ZFHX3: variants seen among roughly 807,000 people sequenced by gnomAD.
ZFHX3 encodes the protein zinc finger homeobox 3, also known as zinc finger homeobox protein 3.
Under a neutral mutation model 279.1 loss-of-function variants are expected in ZFHX3, and 42 were observed. The ratio of observed to expected loss-of-function variants is 0.15; its 90% confidence interval spans 0.12 to 0.19. The LOEUF is 0.19. ZFHX3 is among the 10% of genes least tolerant of loss of function. The pLI is 1.00. For missense variants in ZFHX3, 4,981 were observed against 4,754.0 expected, an observed-to-expected ratio of 1.05 and a Z score of -1.40; for synonymous variants, 2,293 against 1,957.8, an observed-to-expected ratio of 1.17 and a Z score of -4.52.
chr16:73,800,856 C>T (rs777284088), intron 1 of ZFHX3, among the ~76,000 whole-genome samples: 6 of 152,182 alleles, frequency 3.9e-5, no homozygotes, highest in Non-Finnish European at 8.8e-5. Flanking sequence ...GAGCAGGCCA[C>T]GGGGAAGGGA....
chr16:73,461,902 A>C (rs2018477900), intron 2 of ZFHX3, among the ~76,000 whole-genome samples: 1 of 152,162 alleles, frequency 6.6e-6, no homozygotes, highest in Non-Finnish European at 1.5e-5. Flanking sequence ...CCTATATTAC[A>C]AAAACTTGCT....
chr16:73,534,429 C>T (rs113792918), intron 2 of ZFHX3, among the ~76,000 whole-genome samples: 2 of 152,156 alleles, frequency 1.3e-5, no homozygotes, highest in South Asian at 2.1e-4. Context: ...CTGTCTCTCT[C>T]GGCTTTATTC....
intron 4 of ZFHX3, among the ~76,000 whole-genome samples, chr16:73,267,185 G>C (rs920895387): frequency 2.0e-5 from 3 of 152,230 alleles, no homozygotes; most frequent in African/African-American, 7.2e-5. Flanking sequence ...GGCAGAAGGA[G>C]AAGGGGGTTC....
intron 2 of ZFHX3, among the ~76,000 whole-genome samples, chr16:73,545,593 T>C (rs2020094860): frequency 6.6e-6 from 1 of 152,118 alleles, no homozygotes; most frequent in South Asian, 2.1e-4. Flanking sequence ...CGGAGCCCAG[T>C]TTCCCCAGGT....
At chr16:73,564,199 A>G (rs1031842732) in intron 2 of ZFHX3, among the ~76,000 whole-genome samples, 1 of 152,086 alleles carries the variant, frequency 6.6e-6, no homozygotes, top group Admixed American at 6.5e-5. Flanking sequence ...GCCTCTCCCT[A>G]TCCTGAGTTT....
intron 2 of ZFHX3, among the ~76,000 whole-genome samples, chr16:73,463,624 G>T (rs974543125): frequency 6.6e-6 from 1 of 151,464 alleles, no homozygotes; most frequent in Admixed American, 6.6e-5. Context: ...CTTTTTCCCC[G>T]TCGAACCCCT....
chr16:73,142,809 T>A (rs1966850992), intron 6 of ZFHX3, among the ~76,000 whole-genome samples: 1 of 152,200 alleles, frequency 6.6e-6, no homozygotes, highest in African/African-American at 2.4e-5. Context: ...AGTCATAATA[T>A]CCTTATAGGT....
chr16:73,366,851 T>G (rs2016539835), intron 3 of ZFHX3, among the ~76,000 whole-genome samples: 1 of 152,208 alleles, frequency 6.6e-6, no homozygotes. Flanking sequence ...TTCAAATCAT[T>G]GTACCACAGA....
intron 1 of ZFHX3, among the ~76,000 whole-genome samples, chr16:73,025,937 G>A (rs965983843): frequency 1.3e-5 from 2 of 152,094 alleles, no homozygotes; most frequent in Admixed American, 6.6e-5. Context: ...TTCACCCAAT[G>A]TGACACAGGA....
At chr16:73,211,144 C>T (rs754935913) in intron 5 of ZFHX3, among the ~76,000 whole-genome samples, 1 of 152,110 alleles carries the variant, frequency 6.6e-6, no homozygotes, top group Admixed American at 6.6e-5. Flanking sequence ...CATTACTTAC[C>T]AGCCACAAAT....
At chr16:73,040,566 G>A (rs1965073818) in intron 1 of ZFHX3, among the ~76,000 whole-genome samples, 1 of 151,864 alleles carries the variant, frequency 6.6e-6, no homozygotes, top group African/African-American at 2.4e-5. Flanking sequence ...GAGGGCTGGG[G>A]TGGATGGGGG....
chr16:72,881,885 A>C (rs955682321), intron 4 of ZFHX3, among the ~76,000 whole-genome samples: 2 of 152,174 alleles, frequency 1.3e-5, no homozygotes, highest in Non-Finnish European at 2.9e-5. Flanking sequence ...TATTCACTTT[A>C]GGGTGGAGTT....
At chr16:73,813,391 A>C (rs1366154890) in intron 1 of ZFHX3, among the ~76,000 whole-genome samples, 4 of 151,888 alleles carry the variant, frequency 2.6e-5, no homozygotes, top group Non-Finnish European at 4.4e-5. Context: ...GGCCTCTCTC[A>C]ACTCTGGGCA....
intron 1 of ZFHX3, among the ~76,000 whole-genome samples, chr16:73,861,178 C>G (rs1268497958): frequency 1.3e-5 from 2 of 151,980 alleles, no homozygotes; most frequent in African/African-American, 4.8e-5. Flanking sequence ...GTTGCCCAGG[C>G]TGGTCTTGAA....
At chr16:73,427,072 A>T (rs1206871938) in intron 3 of ZFHX3, among the ~76,000 whole-genome samples, 3 of 152,092 alleles carry the variant, frequency 2.0e-5, no homozygotes, top group Non-Finnish European at 4.4e-5. Flanking sequence ...TGCTGACCTG[A>T]AAGAGTTAGG....
rs1967613388 is a variant in ZFHX3 at position 73,174,435 on chromosome 16, CG to C, written c.-1103-30605del. Reference sequence around the variant, plus strand: ...TTCCAATTTCAAGGAATCTATTCCGCGACTCTCTCTCTTCCCTGTCTTTAGT... The same window carrying C: ...TTCCAATTTCAAGGAATCTATTCCGCACTCTCTCTCTTCCCTGTCTTTAGT... On this transcript the variant is annotated intron_variant, in intron 5 of 17. Coordinates refer to the ZFHX3 transcript ENST00000641206. Among the ~76,000 whole-genome samples the C allele has an allele frequency of 2.0e-5, 3 of 152,298 alleles. No individual in the cohort carries two copies. In the South Asian group the frequency reaches 6.2e-4, roughly 32 times the overall value.
intron 3 of ZFHX3, among the ~76,000 whole-genome samples, chr16:72,914,345 C>A (rs760105356): frequency 6.6e-6 from 1 of 152,194 alleles, no homozygotes; most frequent in Non-Finnish European, 1.5e-5. Context: ...TCTCTACAAA[C>A]AGGTATGGAA....
At chr16:73,361,239 C>T (rs2016429677) in intron 3 of ZFHX3, among the ~76,000 whole-genome samples, 1 of 152,232 alleles carries the variant, frequency 6.6e-6, no homozygotes, top group African/African-American at 2.4e-5. Flanking sequence ...CCCATACCAA[C>T]TCTGACCTTG....
intron 2 of ZFHX3, among the ~76,000 whole-genome samples, chr16:73,664,317 A>G (rs1243326336): frequency 5.9e-5 from 9 of 152,206 alleles, no homozygotes; most frequent in Non-Finnish European, 1.2e-4. Flanking sequence ...AAGAACTACC[A>G]TAAATGGAGA....
Sources: gnomAD v4.1 joint callset for allele counts (sites outside exome capture counted in the v4.1 genomes callset) on GRCh38, gnomAD v4.1.1 for gene constraint, MANE v1.5 for transcripts, NCBI Gene and HGNC (gene_info 2026-07-23, HGNC 2026-07-21) for gene names.